The following CHN1 variants were observed in gnomAD, a reference collection of about 807,000 sequenced individuals.
CHN1 encodes the protein N-chimaerin.
Under a neutral mutation model 59.5 loss-of-function variants are expected in CHN1, and 37 were observed. That is an observed-to-expected ratio of 0.62 (90% CI 0.48 to 0.82). The LOEUF is 0.82. Ranked by LOEUF, CHN1 falls within the 40% of genes least tolerant of loss-of-function variation. The pLI is 0.00. For synonymous variants in CHN1, 206 were observed against 200.4 expected (o/e 1.03, Z -0.24); for missense variants, 469 against 571.0 (o/e 0.82, Z 1.82).
At chr2:174,966,712 A>G (rs1690604299) in intron 1 of CHN1, among the ~76,000 whole-genome samples, 1 of 152,190 alleles carries the variant, frequency 6.6e-6, no homozygotes, top group Admixed American at 6.5e-5. Flanking sequence ...TCTCCAACCT[A>G]CTAATTCTTC....
At chr2:174,815,223 T>A (rs1685204481) in intron 8 of CHN1, among the ~76,000 whole-genome samples, 1 of 151,970 alleles carries the variant, frequency 6.6e-6, no homozygotes, top group African/African-American at 2.4e-5. Context: ...CAAAAATTTT[T>A]AAAAATTGGT....
intron 1 of CHN1, among the ~76,000 whole-genome samples, chr2:174,998,673 T>G (rs1441275872): frequency 6.6e-6 from 1 of 152,186 alleles, no homozygotes; most frequent in Non-Finnish European, 1.5e-5. Context: ...TCTCCCACAT[T>G]CTCTCAACTG....
intron 1 of CHN1, among the ~76,000 whole-genome samples, chr2:174,981,530 T>C (rs1055711226): frequency 5.3e-5 from 8 of 152,222 alleles, no homozygotes; most frequent in African/African-American, 1.9e-4. Context: ...CTACTAAAGA[T>C]GAAAACACCG....
At chr2:174,923,068 A>G (rs939264336) in intron 3 of CHN1, among the ~76,000 whole-genome samples, 1 of 152,228 alleles carries the variant, frequency 6.6e-6, no homozygotes, top group African/African-American at 2.4e-5. Context: ...CTTGACCATA[A>G]TATCATAACT....
chr2:174,820,677 T>C (rs1034755033), intron 8 of CHN1, among the ~76,000 whole-genome samples: 3 of 152,212 alleles, frequency 2.0e-5, no homozygotes, highest in African/African-American at 7.2e-5. Context: ...TCCCTGCTGC[T>C]CCCTCAGTTG....
intron 11 of CHN1, among the ~76,000 whole-genome samples, chr2:174,802,987 AG>A (rs1684775763): frequency 2.6e-5 from 4 of 152,110 alleles, no homozygotes; most frequent in Admixed American, 2.6e-4. Flanking sequence ...GCAGTGAGCC[AG>A]GATTGCATCA....
At chr2:174,834,313 G>C (rs1026640450) in intron 7 of CHN1, among the ~76,000 whole-genome samples, 1 of 152,026 alleles carries the variant, frequency 6.6e-6, no homozygotes, top group African/African-American at 2.4e-5. Flanking sequence ...ACTAAGTCAG[G>C]AAAAATATCT....
At chr2:174,982,025 C>T (rs1016880963) in intron 1 of CHN1, among the ~76,000 whole-genome samples, 5 of 152,156 alleles carry the variant, frequency 3.3e-5, no homozygotes, top group Admixed American at 6.5e-5. Context: ...CAATTCCCAC[C>T]TATGAGTGAG....
At chr2:174,903,365 T>C (rs1354730509) in intron 5 of CHN1, among the ~76,000 whole-genome samples, 1 of 152,246 alleles carries the variant, frequency 6.6e-6, no homozygotes, top group Non-Finnish European at 1.5e-5. Context: ...CTGCAAAGAC[T>C]AGAGATCATC....
chr2:174,810,294 G>A (rs770697521), intron 10 of CHN1, among the ~76,000 whole-genome samples: 8 of 152,130 alleles, frequency 5.3e-5, no homozygotes, highest in Non-Finnish European at 8.8e-5. Flanking sequence ...ATGAGTGCTG[G>A]TACACATCCT....
chr2:174,926,365 CTGA>C (rs1417033426), intron 3 of CHN1, among the ~76,000 whole-genome samples: 2 of 152,004 alleles, frequency 1.3e-5, no homozygotes, highest in Non-Finnish European at 2.9e-5. Flanking sequence ...CCACATCAAG[CTGA>C]TGATTTTTTA....
At position 174,964,283 on chromosome 2, in the gene CHN1, G is replaced by A. The variant is rs142860254; in HGVS notation, c.20-12081C>T. Among the ~76,000 whole-genome samples, 612 of 152,292 alleles carry A rather than the reference G, an allele frequency of 4.0e-3. 3 individuals carry two copies. Among genetic ancestry groups the A allele is most frequent in the South Asian group, 0.02 (97 of 4,820 alleles). ...AAACTCTTTCTGGAAGCACAGGAGA[G>A]AAGTTACCTTATTACATGTAATGGA... On this transcript the variant is annotated intron_variant, in intron 1 of 12. Coordinates refer to ENST00000409900, the MANE Select transcript of CHN1 (RefSeq NM_001822.7).
intron 5 of CHN1, among the ~76,000 whole-genome samples, chr2:174,913,300 C>A (rs971156822): frequency 6.6e-6 from 1 of 152,172 alleles, no homozygotes; most frequent in Non-Finnish European, 1.5e-5. Context: ...TCTCATTTTA[C>A]CTCACCTTCT....
At chr2:174,809,559 A>C (rs567382142) in intron 10 of CHN1, among the ~76,000 whole-genome samples, 7 of 152,242 alleles carry the variant, frequency 4.6e-5, no homozygotes, top group Admixed American at 1.3e-4. Context: ...GGGGCTTACT[A>C]TGTACGTTGT....
intron 5 of CHN1, among the ~76,000 whole-genome samples, chr2:174,894,133 A>T (rs1033108244): frequency 7.5e-6 from 1 of 133,546 alleles, no homozygotes; most frequent in African/African-American, 2.5e-5. Flanking sequence ...CAGCACAAAA[A>T]ACTTCTGCAC....
Position 174,817,648 on chromosome 2 carries a change from T to C in CHN1, c.713-5166A>G, listed in dbSNP as rs187303466. ...AGCTGATTTTTTTTTCTTTTTTTTT[T>C]TTTTTTTGAGACGGAGTCTCGCTCT... On this transcript the variant is annotated intron_variant, in intron 8 of 12. Transcript: ENST00000409900. Among the ~76,000 whole-genome samples the C allele has an allele frequency of 1.2e-3, 174 of 149,462 alleles. 5 individuals are homozygous for C. The East Asian group carries it at 0.031, about 26-fold the overall frequency.
intron 3 of CHN1, among the ~76,000 whole-genome samples, chr2:174,941,675 A>T (rs1412932167): frequency 6.6e-6 from 1 of 152,136 alleles, no homozygotes; most frequent in Admixed American, 6.6e-5. Context: ...TCCTTATGAT[A>T]ATTGTTTTAC....
At chr2:174,832,868 T>TCA (rs1298019785) in intron 7 of CHN1, among the ~76,000 whole-genome samples, 1 of 152,166 alleles carries the variant, frequency 6.6e-6, no homozygotes, top group Non-Finnish European at 1.5e-5. Flanking sequence ...TACAGCATGT[T>TCA]ACTGTACTGA....
At chr2:174,912,168 A>G (rs1256762842) in intron 5 of CHN1, among the ~76,000 whole-genome samples, 1 of 152,186 alleles carries the variant, frequency 6.6e-6, no homozygotes, top group African/African-American at 2.4e-5. Context: ...CCAAAACACA[A>G]AAAAAGAAAA....
Sources: allele counts gnomAD v4.1 joint callset (sites outside exome capture counted in the v4.1 genomes callset), GRCh38; gene constraint gnomAD v4.1.1; transcripts MANE v1.5; gene names NCBI Gene and HGNC (gene_info 2026-07-23, HGNC 2026-07-21).